Variants in FHOD3 observed in about 807,000 individuals in gnomAD.
The protein encoded by FHOD3 is formin homology 2 domain containing 3, also known as FH1/FH2 domain-containing protein 3.
In FHOD3, 90 loss-of-function variants were observed where a neutral mutation model predicts 173.0. That is an observed-to-expected ratio of 0.52 (90% CI 0.44 to 0.62). The LOEUF (loss-of-function observed/expected upper bound fraction) is 0.62, where lower values mean the gene tolerates loss of function less well. Among genes scored for constraint, FHOD3 ranks in the 20% least tolerant of loss-of-function variants. The pLI, the probability that FHOD3 is intolerant of heterozygous loss-of-function variation, is 0.00. For synonymous variants in FHOD3, 828 were observed against 823.0 expected (o/e 1.01, Z -0.10); for missense variants, 1,945 against 2,034.7 (o/e 0.96, Z 0.85).
chr18:36,484,458 T>C (rs1418072066), intron 3 of FHOD3, among the ~76,000 whole-genome samples: 1 of 152,194 alleles, frequency 6.6e-6, no homozygotes, highest in East Asian at 1.9e-4. Flanking sequence ...TGACTTAGGC[T>C]GACTTTGCTT....
intron 18 of FHOD3, among the ~76,000 whole-genome samples, chr18:36,714,672 C>T (rs2040353507): frequency 6.6e-6 from 1 of 152,240 alleles, no homozygotes; most frequent in Non-Finnish European, 1.5e-5. Flanking sequence ...GCTGCAGCCT[C>T]CTAGTGGTCT....
At chr18:36,450,180 C>G (rs1204561199) in intron 3 of FHOD3, among the ~76,000 whole-genome samples, 1 of 152,160 alleles carries the variant, frequency 6.6e-6, no homozygotes, top group Non-Finnish European at 1.5e-5. Flanking sequence ...GTTTGGTTTT[C>G]TCTTCTGAGT....
At chr18:36,565,468 A>T (rs547107186) in intron 5 of FHOD3, among the ~76,000 whole-genome samples, 7 of 152,314 alleles carry the variant, frequency 4.6e-5, no homozygotes, top group African/African-American at 1.2e-4. Context: ...TGATGGGCTC[A>T]TGGAAGAACT....
At chr18:36,466,209 T>C (rs1451791237) in intron 3 of FHOD3, among the ~76,000 whole-genome samples, 1 of 152,220 alleles carries the variant, frequency 6.6e-6, no homozygotes, top group African/African-American at 2.4e-5. Flanking sequence ...GAGACATGAC[T>C]TGCTGAAAAT....
At chr18:36,585,718 G>A (rs965198544) in intron 6 of FHOD3, among the ~76,000 whole-genome samples, 5 of 152,160 alleles carry the variant, frequency 3.3e-5, no homozygotes, top group African/African-American at 1.2e-4. Context: ...TTTTGTGAAC[G>A]CAAGAAGCAG....
rs1160203219 is a variant in FHOD3 at position 36,631,465 on chromosome 18, A to G, written c.1196+5716A>G. ...AGATGTGGTGCCAACTGTGTGATGT[A>G]AAATGAAGAGAGTTGTACCATATAG... On this transcript the variant is annotated intron_variant, in intron 10 of 28. Coordinates refer to ENST00000590592, the MANE Select transcript of FHOD3 (RefSeq NM_001281740.3). Among the ~76,000 whole-genome samples, 3 of 152,252 alleles carry G rather than the reference A, an allele frequency of 2.0e-5. No homozygotes were observed. In the East Asian group the frequency reaches 5.8e-4, roughly 29 times the overall value.
At chr18:36,606,622 A>G (rs566928786) in intron 8 of FHOD3, among the ~76,000 whole-genome samples, 1 of 152,288 alleles carries the variant, frequency 6.6e-6, no homozygotes, top group African/African-American at 2.4e-5. Flanking sequence ...CCAAAGTCTT[A>G]ATGAATTCCA....
intron 27 of FHOD3, among the ~76,000 whole-genome samples, chr18:36,764,349 CT>C (rs1401793662): frequency 2.0e-5 from 3 of 152,148 alleles, no homozygotes; most frequent in African/African-American, 4.8e-5. Flanking sequence ...AGGGGTATCA[CT>C]TTTACCTTGT....
chr18:36,562,447 T>C (rs79479323), intron 5 of FHOD3, among the ~76,000 whole-genome samples: 1 of 152,368 alleles, frequency 6.6e-6, no homozygotes, highest in Non-Finnish European at 1.5e-5. Context: ...TGTTGCATGA[T>C]ATGATTTAAA....
At chr18:36,550,210 G>GTC (rs1459791018) in intron 5 of FHOD3, among the ~76,000 whole-genome samples, 7 of 137,364 alleles carry the variant, frequency 5.1e-5, no homozygotes, top group African/African-American at 1.4e-4. Context: ...TATATCACTT[G>GTC]TGTATATATA....
chr18:36,620,877 C>A (rs1224661219), intron 9 of FHOD3, among the ~76,000 whole-genome samples: 2 of 152,134 alleles, frequency 1.3e-5, no homozygotes, highest in Non-Finnish European at 2.9e-5. Context: ...GCAAGGGCAG[C>A]AACGAAGCCT....
chr18:36,555,382 G>A (rs1249488268), intron 5 of FHOD3, among the ~76,000 whole-genome samples: 1 of 148,658 alleles, frequency 6.7e-6, no homozygotes, highest in East Asian at 1.9e-4. Context: ...TAATTCCATT[G>A]TGGTAAAAAA....
At chr18:36,690,760 A>G (rs1165101143) in intron 16 of FHOD3, among the ~76,000 whole-genome samples, 1 of 152,188 alleles carries the variant, frequency 6.6e-6, no homozygotes, top group African/African-American at 2.4e-5. Flanking sequence ...TTATGATCAA[A>G]TGCACATCAC....
At chr18:36,522,563 G>A (rs1299924155) in intron 5 of FHOD3, among the ~76,000 whole-genome samples, 1 of 152,210 alleles carries the variant, frequency 6.6e-6, no homozygotes, top group African/African-American at 2.4e-5. Context: ...TGTTTTGTAT[G>A]TGGAGGAATT....
intron 3 of FHOD3, among the ~76,000 whole-genome samples, chr18:36,421,752 A>C (rs1057473309): frequency 1.3e-5 from 2 of 152,152 alleles, no homozygotes; most frequent in Non-Finnish European, 2.9e-5. Context: ...TGTTTGTGGT[A>C]GTTTGGGATC....
intron 7 of FHOD3, among the ~76,000 whole-genome samples, chr18:36,600,830 A>G (rs1349425681): frequency 1.3e-5 from 2 of 152,218 alleles, no homozygotes; most frequent in African/African-American, 2.4e-5. Context: ...TTCTGGGTCC[A>G]TTAGCACCAC....
chr18:36,772,534 C>T (rs1024796775), intron 28 of FHOD3, among the ~76,000 whole-genome samples: 13 of 152,256 alleles, frequency 8.5e-5, no homozygotes, highest in African/African-American at 3.1e-4. Context: ...CAGAATCCAT[C>T]CCATAACCTT....
At chr18:36,555,396 AAC>A (rs941944601) in intron 5 of FHOD3, among the ~76,000 whole-genome samples, 20 of 151,484 alleles carry the variant, frequency 1.3e-4, no homozygotes, top group African/African-American at 3.6e-4. Context: ...TAAAAAAAAA[AAC>A]AAAAAACATG....
intron 3 of FHOD3, among the ~76,000 whole-genome samples, chr18:36,442,828 C>A (rs1320185729): frequency 6.6e-6 from 1 of 152,188 alleles, no homozygotes; most frequent in Non-Finnish European, 1.5e-5. Context: ...AGGTCCAGTT[C>A]AGTATCCAAT....
Sources: gnomAD v4.1 joint callset for allele counts (sites outside exome capture counted in the v4.1 genomes callset) on GRCh38, gnomAD v4.1.1 for gene constraint, MANE v1.5 for transcripts, NCBI Gene and HGNC (gene_info 2026-07-23, HGNC 2026-07-21) for gene names.